Variants in CNTNAP5 observed in about 807,000 individuals in gnomAD.
The protein encoded by CNTNAP5 is contactin-associated protein-like 5.
In CNTNAP5, 72 loss-of-function variants were observed where a neutral mutation model predicts 150.2. The ratio of observed to expected loss-of-function variants is 0.48; its 90% CI spans 0.40 to 0.58. The LOEUF (loss-of-function observed/expected upper bound fraction) is 0.58. CNTNAP5 is among the 20% of genes least tolerant of loss of function. The pLI is 0.00. For synonymous variants in CNTNAP5, 672 were observed against 619.8 expected, an observed-to-expected ratio of 1.08 and a Z score of -1.25; for missense variants, 1,636 against 1,626.2, an observed-to-expected ratio of 1.01 and a Z score of -0.10.
intron 11 of CNTNAP5, among the ~76,000 whole-genome samples, chr2:124,587,971 T>C (rs1356154110): frequency 6.6e-6 from 1 of 152,180 alleles, no homozygotes; most frequent in Admixed American, 6.5e-5. Flanking sequence ...GGTATGTTGA[T>C]ACATATTGGA....
chr2:124,646,867 G>A (rs896134226), intron 12 of CNTNAP5, among the ~76,000 whole-genome samples: 1 of 152,174 alleles, frequency 6.6e-6, no homozygotes, highest in Admixed American at 6.5e-5. Flanking sequence ...CAGCTACTTG[G>A]GAGGCTGAGG....
intron 1 of CNTNAP5, among the ~76,000 whole-genome samples, chr2:124,059,352 G>T (rs889182585): frequency 2.0e-5 from 3 of 152,116 alleles, no homozygotes; most frequent in Non-Finnish European, 4.4e-5. Flanking sequence ...AGTAAATAAG[G>T]TCTCCCTCTA....
chr2:124,391,064 T>C (rs4848930), intron 3 of CNTNAP5, among the ~76,000 whole-genome samples: 80,940 of 152,130 alleles, frequency 0.53, 22,942 homozygotes, highest in South Asian at 0.67. Context: ...TTCTGCATAT[T>C]AACTAAGATG....
chr2:124,198,750 A>AT (rs1263274204), intron 1 of CNTNAP5, among the ~76,000 whole-genome samples: 1 of 151,182 alleles, frequency 6.6e-6, no homozygotes, highest in Admixed American at 6.6e-5. Flanking sequence ...TGTCTTACAT[A>AT]TTTTTTAGGT....
chr2:124,366,341 T>G (rs1690370460), intron 3 of CNTNAP5, among the ~76,000 whole-genome samples: 1 of 152,222 alleles, frequency 6.6e-6, no homozygotes, highest in Admixed American at 6.5e-5. Context: ...AGTCTTTCTC[T>G]TCTTCCTTCT....
rs180906661 is a variant in CNTNAP5 at position 124,126,692 on chromosome 2, A to G, written c.83-95013A>G. ...ACTGGCAAACCGAATCCAGCAGCAC[A>G]TCAAAAAGCTTATCCACCATGATCA... On this transcript the variant is annotated intron_variant, in intron 1 of 23. Coordinates refer to ENST00000682447, the MANE Select transcript of CNTNAP5 (RefSeq NM_001367498.1). Among the ~76,000 whole-genome samples the G allele has an allele frequency of 8.0e-3, 1,226 of 152,316 alleles. 19 individuals carry two copies. Among genetic ancestry groups the G allele is most frequent in the African/African-American group, 0.027 (1,116 of 41,566 alleles).
At chr2:124,620,792 C>T (rs937427934) in intron 12 of CNTNAP5, among the ~76,000 whole-genome samples, 4 of 151,692 alleles carry the variant, frequency 2.6e-5, no homozygotes, top group Non-Finnish European at 5.9e-5. Context: ...TGCAAACTTT[C>T]TAGCCTTAAA....
intron 1 of CNTNAP5, among the ~76,000 whole-genome samples, chr2:124,172,568 A>G (rs1206770102): frequency 1.3e-5 from 2 of 152,046 alleles, no homozygotes; most frequent in African/African-American, 2.4e-5. Context: ...ATGCACCATC[A>G]TGCCCAGCAT....
At chr2:124,122,777 CA>C in intron 1 of CNTNAP5, among the ~76,000 whole-genome samples, 1 of 151,112 alleles carries the variant, frequency 6.6e-6, no homozygotes, top group East Asian at 1.9e-4. Context: ...CACACACACA[CA>C]CACACACACA....
chr2:124,042,356 A>T (rs2104632794), intron 1 of CNTNAP5, among the ~76,000 whole-genome samples: 1 of 152,358 alleles, frequency 6.6e-6, no homozygotes, highest in African/African-American at 2.4e-5. Context: ...ATTGTGAATA[A>T]CATGAGATAA....
At position 124,249,580 on chromosome 2, in the gene CNTNAP5, G is replaced by T. The variant is rs538743168; in HGVS notation, c.381+7187G>T. ...ATCTATAGCCTAGAAGCCCCCATCC[G>T]CTTTGGGTTGTCCCGCCTTTATGAA... On this transcript the variant is annotated intron_variant, in intron 3 of 23. Transcript: ENST00000682447. Among the ~76,000 whole-genome samples the T allele has an allele frequency of 3.9e-5, 6 of 152,132 alleles. No homozygotes were observed. In the South Asian group the frequency reaches 8.3e-4, roughly 21 times the overall value.
chr2:124,029,293 A>G (rs1225129192), intron 1 of CNTNAP5, among the ~76,000 whole-genome samples: 1 of 152,118 alleles, frequency 6.6e-6, no homozygotes, highest in Admixed American at 6.5e-5. Context: ...AATAGATAAT[A>G]TTAAAAATAA....
At chr2:124,136,125 C>T (rs1020606029) in intron 1 of CNTNAP5, among the ~76,000 whole-genome samples, 1 of 151,972 alleles carries the variant, frequency 6.6e-6, no homozygotes, top group Non-Finnish European at 1.5e-5. Flanking sequence ...TATTTTTTCC[C>T]TGAGAATGTA....
intron 3 of CNTNAP5, among the ~76,000 whole-genome samples, chr2:124,368,162 G>A (rs930718624): frequency 6.6e-6 from 1 of 152,310 alleles, no homozygotes; most frequent in South Asian, 2.1e-4. Context: ...TAGCAAGTTT[G>A]ATTAGTGCAA....
intron 3 of CNTNAP5, among the ~76,000 whole-genome samples, chr2:124,349,945 C>T (rs1324649867): frequency 1.6e-5 from 2 of 124,088 alleles, no homozygotes; most frequent in Non-Finnish European, 3.2e-5. Context: ...AGTGCAACGG[C>T]GCGATCTTGG....
At chr2:124,867,395 G>T (rs570690751) in intron 20 of CNTNAP5, among the ~76,000 whole-genome samples, 1 of 152,080 alleles carries the variant, frequency 6.6e-6, no homozygotes, top group Non-Finnish European at 1.5e-5. Context: ...TACCGAAAAG[G>T]TATTGCCTCT....
At chr2:124,394,384 AAAAAG>A (rs1691194977) in intron 3 of CNTNAP5, among the ~76,000 whole-genome samples, 2 of 151,774 alleles carry the variant, frequency 1.3e-5, no homozygotes, top group Non-Finnish European at 2.9e-5. Flanking sequence ...AAAAAAAAAA[AAAAAG>A]AAAAGAAAAA....
chr2:124,228,947 C>T (rs188138519), intron 2 of CNTNAP5, among the ~76,000 whole-genome samples: 21 of 152,264 alleles, frequency 1.4e-4, no homozygotes, highest in African/African-American at 4.8e-4. Context: ...CTATTTCACA[C>T]TGATGAGCTC....
chr2:124,451,077 T>TATAC (rs755084840), intron 6 of CNTNAP5, among the ~76,000 whole-genome samples: 5,487 of 60,708 alleles, frequency 0.09, 313 homozygotes, highest in Middle Eastern at 0.12. Flanking sequence ...TATATATATA[T>TATAC]ACACACACAC....
Sources: allele counts gnomAD v4.1 joint callset (sites outside exome capture counted in the v4.1 genomes callset), GRCh38; gene constraint gnomAD v4.1.1; transcripts MANE v1.5; gene names NCBI Gene and HGNC (gene_info 2026-07-23, HGNC 2026-07-21).